SLC14A2: variants seen among roughly 807,000 people sequenced by gnomAD.
SLC14A2 encodes solute carrier family 14 member 2, also known as urea transporter 2.
In SLC14A2, 91 loss-of-function variants were observed where a neutral mutation model predicts 104.6. The ratio of observed to expected loss-of-function variants is 0.87; its 90% CI spans 0.73 to 1.04. The LOEUF is 1.04. Among genes scored for constraint, SLC14A2 ranks in the 50% least tolerant of loss-of-function variants. SLC14A2 has a pLI of 0.00. For missense variants in SLC14A2, 1,189 were observed against 1,156.0 expected (o/e 1.03, Z -0.41); for synonymous variants, 476 against 466.4 (o/e 1.02, Z -0.27).
chr18:45,171,578 G>A, the SLC14A2 span, among the ~76,000 whole-genome samples: 6 of 151,992 alleles, frequency 3.9e-5, no homozygotes, highest in African/African-American at 1.5e-4. Context: ...AAAAGTGTAT[G>A]GACTATTAAT....
At chr18:45,633,192 C>A (rs1453245909) in intron 5 of SLC14A2, among the ~76,000 whole-genome samples, 2 of 152,158 alleles carry the variant, frequency 1.3e-5, no homozygotes, top group African/African-American at 4.8e-5. Context: ...AAGTCACTTG[C>A]CCCAAGTTGT....
intron 1 of SLC14A2, among the ~76,000 whole-genome samples, chr18:45,324,734 A>C (rs2085217586): frequency 6.6e-6 from 1 of 151,484 alleles, no homozygotes; most frequent in African/African-American, 2.4e-5. Context: ...CCTCCATAAC[A>C]TTCCCCTTTC....
At chr18:45,625,514 C>T (rs112980445) in intron 2 of SLC14A2, among the ~76,000 whole-genome samples, 169 bp from the exon 3 acceptor site, 11 of 152,274 alleles carry the variant, frequency 7.2e-5, no homozygotes, top group African/African-American at 2.6e-4. Flanking sequence ...CTGGGAAGAA[C>T]AGGCTTGTAC....
At chr18:45,489,165 A>G (rs2087671147) in intron 2 of SLC14A2, among the ~76,000 whole-genome samples, 1 of 152,214 alleles carries the variant, frequency 6.6e-6, no homozygotes, top group African/African-American at 2.4e-5. Context: ...AAGAACATTC[A>G]TAATAATGGC....
intron 1 of SLC14A2, among the ~76,000 whole-genome samples, chr18:45,381,887 T>G (rs1007889361): frequency 8.6e-5 from 13 of 151,932 alleles, no homozygotes; most frequent in Non-Finnish European, 1.5e-4. Flanking sequence ...CCATTTTACA[T>G]GCAGTCCAGT....
In SLC14A2 at chr18:45,543,831, T is replaced by A. The variant is rs543588107; in HGVS notation, c.-35+60509T>A. Among the ~76,000 whole-genome samples, 11 of 152,356 alleles carry A rather than the reference T, an allele frequency of 7.2e-5. 1 individual carries two copies. Among genetic ancestry groups the A allele is most frequent in the African/African-American group, 2.6e-4 (11 of 41,586 alleles). On this transcript the variant is annotated intron_variant, in intron 2 of 20. Coordinates refer to the SLC14A2 transcript ENST00000586448. ...AGTGTTCCCACCGTTGCCTAACTGA[T>A]AAGAGTGGCTCATTGTGCCTAAACT... is the stretch of plus-strand genomic sequence containing the variant.
chr18:45,282,399 G>A (rs2084771568), intron 1 of SLC14A2, among the ~76,000 whole-genome samples: 1 of 152,152 alleles, frequency 6.6e-6, no homozygotes, highest in African/African-American at 2.4e-5. Context: ...GACTGTCCCT[G>A]ATCTATGATG....
Position 45,343,142 on chromosome 18 carries a change from C to CT in SLC14A2, c.-125+129970dup, listed in dbSNP as rs34073750. On this transcript the variant is annotated intron_variant, in intron 1 of 20. Coordinates refer to the SLC14A2 transcript ENST00000586448. ...CTGCTGCTGAAAACTGTTCTCTCTG[C>CT]TTTTTTTTTTTTTTTTTTTCCTCAT... 8.3e-3 allele frequency among the ~76,000 whole-genome samples: 1,107 copies of CT among 132,576 alleles called. 8 individuals carry two copies. Among genetic ancestry groups the CT allele is most frequent in the South Asian group, 0.012 (49 of 4,060 alleles). The allele number at this position is 132,576 out of a possible 152,430, so 87.0% of individuals were successfully genotyped here.
At chr18:45,168,938 T>A in the SLC14A2 span, 1 of 152,228 alleles carries the variant, frequency 6.6e-6, no homozygotes, top group African/African-American at 2.4e-5. Context: ...TGGTTTTGCA[T>A]CATGAGACCA....
intron 1 of SLC14A2, among the ~76,000 whole-genome samples, chr18:45,253,519 CAAAA>C (rs796286941): frequency 1.5e-5 from 2 of 130,848 alleles, no homozygotes; most frequent in Non-Finnish European, 3.3e-5. Flanking sequence ...CAAATGACTG[CAAAA>C]AAAAAAAAAA....
intron 2 of SLC14A2, among the ~76,000 whole-genome samples, chr18:45,589,647 C>T (rs1425621072): frequency 2.0e-5 from 3 of 152,146 alleles, no homozygotes; most frequent in Non-Finnish European, 2.9e-5. Context: ...AGATGCAGGG[C>T]TTCAGCCTCC....
intron 2 of SLC14A2, among the ~76,000 whole-genome samples, chr18:45,590,071 G>T (rs1279617624): frequency 1.3e-5 from 2 of 152,174 alleles, no homozygotes; most frequent in African/African-American, 4.8e-5. Context: ...GCTTCAGAGC[G>T]CATGAGACTC....
intron 1 of SLC14A2, among the ~76,000 whole-genome samples, chr18:45,373,882 C>T (rs761214464): frequency 3.3e-5 from 5 of 152,202 alleles, no homozygotes; most frequent in Non-Finnish European, 7.3e-5. Context: ...ATAGTCAGTG[C>T]TCAACTATTA....
At chr18:45,317,721 T>G (rs1599670124) in intron 1 of SLC14A2, among the ~76,000 whole-genome samples, 2 of 152,312 alleles carry the variant, frequency 1.3e-5, no homozygotes, top group South Asian at 2.1e-4. Flanking sequence ...TTTGCCATCC[T>G]TTTTGGGTTT....
intron 1 of SLC14A2, among the ~76,000 whole-genome samples, chr18:45,306,836 T>C (rs1178565494): frequency 1.3e-5 from 2 of 152,200 alleles, no homozygotes; most frequent in Non-Finnish European, 2.9e-5. Flanking sequence ...AGTGATTCTT[T>C]GTGCGTAACT....
intron 2 of SLC14A2, chr18:45,527,869 G>A (rs2144823567): frequency 6.6e-6 from 1 of 152,228 alleles, no homozygotes; most frequent in African/African-American, 2.4e-5. Context: ...AGCTATTCTT[G>A]TGACCAAATC....
intron 1 of SLC14A2, among the ~76,000 whole-genome samples, chr18:45,345,491 C>A (rs1386881468): frequency 6.6e-6 from 1 of 152,122 alleles, no homozygotes; most frequent in Admixed American, 6.5e-5. Context: ...TACAAAGGCA[C>A]GGCCCTGAGT....
chr18:45,499,938 T>G (rs1232308743), intron 2 of SLC14A2, among the ~76,000 whole-genome samples: 1 of 152,212 alleles, frequency 6.6e-6, no homozygotes, highest in East Asian at 1.9e-4. Context: ...TTAATTGAAC[T>G]CTGTGAGCCA....
chr18:45,564,257 A>G (rs1175410948), intron 2 of SLC14A2, among the ~76,000 whole-genome samples: 1 of 152,246 alleles, frequency 6.6e-6, no homozygotes, highest in Admixed American at 6.5e-5. Flanking sequence ...TTGTGATTTT[A>G]CATACCTAAT....
Sources: allele counts gnomAD v4.1 joint callset (sites outside exome capture counted in the v4.1 genomes callset), GRCh38; gene constraint gnomAD v4.1.1; transcripts MANE v1.5; gene names NCBI Gene and HGNC (gene_info 2026-07-23, HGNC 2026-07-21).